Variants in RFX7 observed in about 807,000 individuals in gnomAD.
RFX7 encodes regulatory factor X7.
RFX7 carries 26 observed loss-of-function variants against 111.8 expected under a neutral mutation model. That is an observed-to-expected ratio of 0.23 (90% CI 0.17 to 0.32). The LOEUF (loss-of-function observed/expected upper bound fraction) is 0.32, where lower values mean the gene tolerates loss of function less well. RFX7 is among the 10% of genes least tolerant of loss of function. The probability of loss-of-function intolerance (pLI) is 1.00; values close to 1 mark genes in which losing one functional copy is unlikely to be tolerated. For synonymous variants in RFX7, 624 were observed against 624.4 expected, an observed-to-expected ratio of 1.00 and a Z score of 0.01; for missense variants, 1,573 against 1,772.9, an observed-to-expected ratio of 0.89 and a Z score of 2.02.
At chr15:56,153,154 C>T (rs540953841) in intron 3 of RFX7, among the ~76,000 whole-genome samples, 1 of 152,310 alleles carries the variant, frequency 6.6e-6, no homozygotes, top group South Asian at 2.1e-4. Context: ...GGTACCATTC[C>T]ATCTGAAACT....
rs547842119 is a variant in RFX7 at position 56,125,137 on chromosome 15, C to T, written c.401+17641G>A. Among the ~76,000 whole-genome samples the T allele has an allele frequency of 9.9e-5, 15 of 152,264 alleles. No homozygotes were observed. The East Asian group carries it at 1.5e-3, about 16-fold the overall frequency. On this transcript the variant is annotated intron_variant, in intron 5 of 9. Transcript: ENST00000559447. ...TCCTTTCCCCACTGAGTGTTCTTAGCGTCTTTGTCAAAAATCAGTTGGCTG... is the reference window on the plus strand; with the variant it reads ...TCCTTTCCCCACTGAGTGTTCTTAGTGTCTTTGTCAAAAATCAGTTGGCTG...
chr15:56,216,128 A>T (rs2043361123), intron 2 of RFX7, among the ~76,000 whole-genome samples: 1 of 152,252 alleles, frequency 6.6e-6, no homozygotes, highest in Admixed American at 6.5e-5. Flanking sequence ...AGGCAAGGGG[A>T]ACAGGGCTCC....
chr15:56,111,634 G>A (rs1358698539), intron 5 of RFX7, among the ~76,000 whole-genome samples: 1 of 58,440 alleles, frequency 1.7e-5, no homozygotes, highest in Non-Finnish European at 3.3e-5. Context: ...AAACACCCAA[G>A]AATGATCAAT....
At chr15:56,198,951 A>C (rs1452338976) in intron 2 of RFX7, among the ~76,000 whole-genome samples, 2 of 152,030 alleles carry the variant, frequency 1.3e-5, no homozygotes, top group Non-Finnish European at 2.9e-5. Context: ...ACTTGAGGCC[A>C]GGAGTTCAAG....
intron 3 of RFX7, among the ~76,000 whole-genome samples, chr15:56,175,697 C>G (rs1186943448): frequency 2.6e-5 from 4 of 152,110 alleles, no homozygotes; most frequent in African/African-American, 9.7e-5. Flanking sequence ...TGAAGTTCAA[C>G]TTAAAGCAAA....
chr15:56,123,298 T>C (rs2042101240), intron 5 of RFX7, among the ~76,000 whole-genome samples: 1 of 152,168 alleles, frequency 6.6e-6, no homozygotes, highest in African/African-American at 2.4e-5. Flanking sequence ...CTGCCAGGAC[T>C]GGGTCCTTCC....
At chr15:56,178,805 GA>G (rs1470978963) in intron 3 of RFX7, among the ~76,000 whole-genome samples, 1 of 152,028 alleles carries the variant, frequency 6.6e-6, no homozygotes, top group Admixed American at 6.6e-5. Context: ...AGCTGTTTTT[GA>G]AAACAAATTT....
At chr15:56,166,175 C>A (rs942005240) in intron 3 of RFX7, among the ~76,000 whole-genome samples, 4 of 152,188 alleles carry the variant, frequency 2.6e-5, no homozygotes, top group African/African-American at 4.8e-5. Context: ...GGATTACAGG[C>A]ATGAGCCACG....
In RFX7 at chr15:56,094,101, A is replaced by G. The variant is rs766248032; in HGVS notation, c.3627T>C (p.Asn1209=). Residue 1209 remains asparagine (N), a synonymous_variant, in exon 10 of 10, where the codon AAT becomes AAC. Coordinates refer to ENST00000559447, the MANE Select transcript of RFX7 (RefSeq NM_022841.7). ...TGTTGGCACATGCGTCTGTGTGAAC[A>G]TTTGTGAAAACATGAACTTCTGGGG... The part of the protein sequence containing the change: ...PVTPEVHVFT[N]VHTDACANNI... The G allele has an allele frequency of 5.6e-6, 9 of 1,613,884 alleles. No homozygotes were observed. The African/African-American group carries it at 1.1e-4, about 19-fold the overall frequency.
chr15:56,188,925 G>A (rs1045873152), intron 2 of RFX7, among the ~76,000 whole-genome samples: 5 of 151,900 alleles, frequency 3.3e-5, no homozygotes, highest in Non-Finnish European at 7.4e-5. Context: ...CTCCACCTCC[G>A]GGGTTCAAGT....
rs192593131 is a variant in RFX7 at position 56,107,213 on chromosome 15, C to T, written c.402-3543G>A. On this transcript the variant is annotated intron_variant, in intron 5 of 9. Transcript: ENST00000559447. ...TCGGGAGGCTGAGGCAGGAGAATGGCGTGAACCCAGGAGGCGGAGCTTGCA... is the reference window on the plus strand; with the variant it reads ...TCGGGAGGCTGAGGCAGGAGAATGGTGTGAACCCAGGAGGCGGAGCTTGCA... Among the ~76,000 whole-genome samples the T allele has an allele frequency of 4.9e-3, 649 of 131,228 alleles. 11 individuals carry two copies. The highest frequency in any genetic ancestry group is 0.018 in the African/African-American group (623 of 34,802). 86.1% of individuals were successfully genotyped at this position (131,228 alleles called of 152,430 possible).
intron 2 of RFX7, among the ~76,000 whole-genome samples, chr15:56,233,679 G>T (rs543589814): frequency 6.6e-6 from 1 of 152,270 alleles, no homozygotes; most frequent in East Asian, 1.9e-4. Flanking sequence ...TAAATGAAAT[G>T]AGAGTAAATG....
At chr15:56,235,623 T>C (rs1284474726) in intron 2 of RFX7, among the ~76,000 whole-genome samples, 1 of 152,202 alleles carries the variant, frequency 6.6e-6, no homozygotes, top group Non-Finnish European at 1.5e-5. Flanking sequence ...ATTGCTGTAA[T>C]GCTTCATCTA....
intron 2 of RFX7, among the ~76,000 whole-genome samples, chr15:56,207,096 A>G (rs1054993937): frequency 2.2e-4 from 33 of 152,168 alleles, no homozygotes; most frequent in Non-Finnish European, 3.7e-4. Flanking sequence ...TTCCTGTATC[A>G]AAATATCTCA....
At chr15:56,163,782 T>C (rs1306300747) in intron 3 of RFX7, among the ~76,000 whole-genome samples, 1 of 152,164 alleles carries the variant, frequency 6.6e-6, no homozygotes, top group Non-Finnish European at 1.5e-5. Flanking sequence ...GCCGTTGTAA[T>C]GGCAGCTAAA....
At chr15:56,186,610 T>G (rs1449208839) in intron 2 of RFX7, among the ~76,000 whole-genome samples, 1 of 152,122 alleles carries the variant, frequency 6.6e-6, no homozygotes, top group East Asian at 1.9e-4. Context: ...ATATACTATA[T>G]GTATACCTAT....
intron 2 of RFX7, among the ~76,000 whole-genome samples, chr15:56,213,237 A>G (rs1360875573): frequency 2.0e-5 from 3 of 152,226 alleles, no homozygotes; most frequent in Non-Finnish European, 4.4e-5. Flanking sequence ...AAACCTGTAC[A>G]TAAATGTCTA....
At chr15:56,141,389 CAAAA>C (rs1169784627) in intron 5 of RFX7, among the ~76,000 whole-genome samples, 4 of 151,470 alleles carry the variant, frequency 2.6e-5, no homozygotes, top group African/African-American at 9.7e-5. Flanking sequence ...AACAAACAAA[CAAAA>C]AAACCAAAGA....
intron 2 of RFX7, among the ~76,000 whole-genome samples, chr15:56,187,554 A>G (rs2043054722): frequency 7.4e-6 from 1 of 135,728 alleles, no homozygotes; most frequent in South Asian, 2.4e-4. Context: ...AGACTGAAGC[A>G]GGAATCTGTT....
Sources: allele counts gnomAD v4.1 joint callset (sites outside exome capture counted in the v4.1 genomes callset), GRCh38; gene constraint gnomAD v4.1.1; transcripts MANE v1.5; gene names NCBI Gene and HGNC (gene_info 2026-07-23, HGNC 2026-07-21).